SND1: variants seen among roughly 807,000 people sequenced by gnomAD.
SND1 encodes the protein staphylococcal nuclease domain-containing protein 1.
In SND1, 38 loss-of-function variants were observed where a neutral mutation model predicts 121.7. The ratio of observed to expected loss-of-function variants is 0.31; its 90% confidence interval spans 0.24 to 0.41. The LOEUF is 0.41. SND1 is among the 10% of genes least tolerant of loss of function. SND1 has a pLI of 1.00. For synonymous variants in SND1, 401 were observed against 447.4 expected (o/e 0.90, Z 1.31); for missense variants, 868 against 1,184.6 (o/e 0.73, Z 3.92).
intron 11 of SND1, among the ~76,000 whole-genome samples, chr7:127,824,115 G>A (rs539816880): frequency 9.2e-5 from 14 of 152,286 alleles, no homozygotes; most frequent in African/African-American, 3.4e-4. Flanking sequence ...TGTAAATGCA[G>A]TGCTATATTT....
intron 16 of SND1, among the ~76,000 whole-genome samples, chr7:127,994,887 T>G (rs1802610408): frequency 6.6e-6 from 1 of 151,978 alleles, no homozygotes; most frequent in South Asian, 2.1e-4. Context: ...AATTTTTTTT[T>G]TTGTTTTTGT....
At chr7:127,786,878 G>A (rs574355235) in intron 10 of SND1, among the ~76,000 whole-genome samples, 3 of 152,132 alleles carry the variant, frequency 2.0e-5, no homozygotes, top group South Asian at 4.1e-4. Flanking sequence ...TCCTAACCTC[G>A]TGATCCGCCC....
intron 12 of SND1, among the ~76,000 whole-genome samples, chr7:127,871,343 T>C (rs1296254475): frequency 6.6e-6 from 1 of 152,208 alleles, no homozygotes. Flanking sequence ...TGCCTGTACA[T>C]AATTGTATGT....
Position 128,007,708 on chromosome 7 carries a change from T to C in SND1, c.1779+16652T>C, listed in dbSNP as rs576430119. On this transcript the variant is annotated intron_variant, in intron 16 of 23. Transcript: ENST00000354725. ...AAACTAAAATAGAGCTTTTCCTTTG[T>C]TGGTTAGAAAAATTTAGGAATGGAA... Among the ~76,000 whole-genome samples, 3 of 152,354 alleles carry C rather than the reference T, an allele frequency of 2.0e-5. No individual in the cohort carries two copies. The South Asian group carries it at 6.2e-4, about 32-fold the overall frequency.
chr7:127,932,047 T>C (rs990258418), intron 15 of SND1, among the ~76,000 whole-genome samples: 1 of 152,248 alleles, frequency 6.6e-6, no homozygotes, highest in Non-Finnish European at 1.5e-5. Flanking sequence ...AGGAGTAATT[T>C]TGATTTTCAA....
intron 1 of SND1, among the ~76,000 whole-genome samples, chr7:127,661,707 A>C (rs572087611): frequency 6.6e-6 from 1 of 152,234 alleles, no homozygotes; most frequent in African/African-American, 2.4e-5. Context: ...TTTATCCTGG[A>C]ATTCCTTCAG....
intron 10 of SND1, among the ~76,000 whole-genome samples, chr7:127,733,171 A>G (rs1796710303): frequency 6.6e-6 from 1 of 152,126 alleles, no homozygotes; most frequent in African/African-American, 2.4e-5. Flanking sequence ...GAGTGAGGAA[A>G]GAAGAGGTTA....
intron 16 of SND1, chr7:128,027,304 TCTC>T (rs905868819): frequency 1.4e-4 from 21 of 147,078 alleles, no homozygotes; most frequent in African/African-American, 5.2e-4. Flanking sequence ...TCTTCCACCT[TCTC>T]CTGAGGGGGC....
At chr7:128,027,363 C>T (rs1803505917) in intron 16 of SND1, 1 of 152,534 alleles carries the variant, frequency 6.6e-6, no homozygotes, top group Admixed American at 6.5e-5. Context: ...TCAACAGTAC[C>T]CCATGTGGAA....
At chr7:127,717,101 A>G (rs1796404690) in intron 9 of SND1, among the ~76,000 whole-genome samples, 1 of 152,218 alleles carries the variant, frequency 6.6e-6, no homozygotes, top group Admixed American at 6.5e-5. Flanking sequence ...AGATTTACAG[A>G]AAAATTAAGC....
intron 13 of SND1, among the ~76,000 whole-genome samples, chr7:127,893,429 A>G (rs1443919634): frequency 6.6e-6 from 1 of 152,148 alleles, no homozygotes; most frequent in African/African-American, 2.4e-5. Context: ...AATTGTTAGA[A>G]TCTGGCTCTT....
chr7:128,071,010 C>A (rs143256394), intron 16 of SND1, among the ~76,000 whole-genome samples: 95 of 152,268 alleles, frequency 6.2e-4, no homozygotes, highest in African/African-American at 2.2e-3. Context: ...AAACAAGTGT[C>A]CTTCTCACAA....
At chr7:127,869,627 C>A (rs930119482) in intron 12 of SND1, among the ~76,000 whole-genome samples, 1 of 152,040 alleles carries the variant, frequency 6.6e-6, no homozygotes, top group African/African-American at 2.4e-5. Flanking sequence ...TACCTTTCAC[C>A]CAGTTTCCAC....
At chr7:127,763,483 A>C (rs989601228) in intron 10 of SND1, among the ~76,000 whole-genome samples, 1 of 152,104 alleles carries the variant, frequency 6.6e-6, no homozygotes, top group African/African-American at 2.4e-5. Context: ...AGTAGTTAGG[A>C]CTACGGGTGC....
chr7:127,842,476 G>A (rs952704025), intron 11 of SND1, among the ~76,000 whole-genome samples: 11 of 152,022 alleles, frequency 7.2e-5, no homozygotes, highest in Admixed American at 2.0e-4. Flanking sequence ...CATTTTGTGC[G>A]TCTAACTTCC....
chr7:127,697,053 C>G (rs1328693563), intron 3 of SND1, among the ~76,000 whole-genome samples: 1 of 152,044 alleles, frequency 6.6e-6, no homozygotes, highest in Non-Finnish European at 1.5e-5. Flanking sequence ...TTGCTACCCA[C>G]TTTTTTTTAT....
chr7:127,759,099 T>TAGATAGGC (rs1268977068), intron 10 of SND1, among the ~76,000 whole-genome samples: 9 of 152,018 alleles, frequency 5.9e-5, no homozygotes, highest in South Asian at 2.1e-4. Context: ...GATAGATAGA[T>TAGATAGGC]AGGCAGGCAG....
At chr7:127,900,198 C>T (rs1800201167) in intron 13 of SND1, among the ~76,000 whole-genome samples, 1 of 152,072 alleles carries the variant, frequency 6.6e-6, no homozygotes, top group South Asian at 2.1e-4. Flanking sequence ...GCACTATGTC[C>T]CCAGGTTAAG....
intron 18 of SND1, chr7:128,081,861 C>A (rs1793607857): frequency 3.7e-6 from 2 of 543,674 alleles, no homozygotes; most frequent in Non-Finnish European, 7.5e-6. Context: ...TGATTTGTAG[C>A]CCCCAGAATC....
Sources: allele counts gnomAD v4.1 joint callset (sites outside exome capture counted in the v4.1 genomes callset), GRCh38; gene constraint gnomAD v4.1.1; transcripts MANE v1.5; gene names NCBI Gene and HGNC (gene_info 2026-07-23, HGNC 2026-07-21).